The following ZFAND4 variants were observed in gnomAD, a reference collection of about 807,000 sequenced individuals.
The protein encoded by ZFAND4 is zinc finger AN1-type containing 4.
A neutral mutation model predicts 64.4 loss-of-function variants in ZFAND4; 43 were observed. The observed-to-expected ratio is 0.67, with a 90% CI of 0.52 to 0.86. The LOEUF is 0.86. Among genes scored for constraint, ZFAND4 ranks in the 40% least tolerant of loss-of-function variants. The pLI is 0.00. For synonymous variants in ZFAND4, 296 were observed against 305.7 expected, an observed-to-expected ratio of 0.97 and a Z score of 0.33; for missense variants, 929 against 859.8, an observed-to-expected ratio of 1.08 and a Z score of -1.01.
chr10:45,639,866 T>C lies in ZFAND4; in HGVS notation c.667A>G (p.Lys223Glu). The change falls in exon 6 of 10, where the codon AAG becomes GAG. Residue 223 changes from lysine to glutamate, a missense_variant. Transcript: ENST00000344646. The part of the protein sequence containing the change: ...QIIENSITMN[K>E]MKLLKAKMKN... The stretch of plus-strand genomic sequence containing the variant: ...ATCTTAGCCTTCAGCAGCTTCATCT[T>C]ATTCATAGTTATTGAATTTTCAATT... The C allele has an allele frequency of 6.2e-7, 1 of 1,613,382 alleles. No individual in the cohort carries two copies. Among genetic ancestry groups the C allele is most frequent in the Non-Finnish European group, 8.5e-7 (1 of 1,179,846 alleles).
chr10:45,626,372 T>G lies in ZFAND4; in HGVS notation c.1451A>C (p.His484Pro), dbSNP rs756840308. ...PLRCSAPMSL[H>P]NSLVKPERQS... ...TCTCTCTGGTTTCACCAGAGAATTA[T>G]GTAGCGACATTGGTGCAGAACAGCG... is the stretch of plus-strand genomic sequence containing the variant. Residue 484 changes from histidine to proline, a missense_variant, in exon 7 of 10, where the codon CAT becomes CCT. Coordinates refer to ENST00000344646, the MANE Select transcript of ZFAND4 (RefSeq NM_174890.4). The G allele has an allele frequency of 1.2e-6, 2 of 1,614,098 alleles. No individual in the cohort carries two copies. The highest frequency in any genetic ancestry group is 1.3e-5 in the African/African-American group (1 of 74,946).
chr10:45,620,852 G>A (rs1327865501), intron 8 of ZFAND4: 2 of 152,118 alleles, frequency 1.3e-5, no homozygotes, highest in African/African-American at 4.8e-5. Flanking sequence ...CAACCCAGTA[G>A]AATTTGACTT....
intron 6 of ZFAND4, among the ~76,000 whole-genome samples, chr10:45,636,828 T>C (rs1257335184): frequency 6.6e-6 from 1 of 152,170 alleles, no homozygotes; most frequent in Non-Finnish European, 1.5e-5. Context: ...ATTTTCTATC[T>C]GTTCCATCGA....
rs1028263562 is a variant in ZFAND4, at chr10:45,640,531, G to T, written c.570-568C>A. ...TTCTTGAGACAGTCTCACTCTTGTCGCCAGGCTGGAGTGCAATGGCACAAT... is the reference window on the plus strand; with the variant it reads ...TTCTTGAGACAGTCTCACTCTTGTCTCCAGGCTGGAGTGCAATGGCACAAT... On this transcript the variant is annotated intron_variant, in intron 5 of 9. Coordinates refer to ENST00000344646, the MANE Select transcript of ZFAND4 (RefSeq NM_174890.4). 26 of 794,208 alleles carry T rather than the reference G, an allele frequency of 3.3e-5. No homozygotes were observed. In the African/African-American group the frequency reaches 3.9e-4, roughly 12 times the overall value. 49.2% of individuals were successfully genotyped at this position (794,208 alleles called of 1,614,324 possible).
rs71515371 is a variant in ZFAND4, at chr10:45,644,974, CTTTTTT to C, written c.569+3314_569+3319del. Among the ~76,000 whole-genome samples, 45 of 130,954 alleles carry C rather than the reference CTTTTTT, an allele frequency of 3.4e-4. 1 individual carries two copies. The highest frequency in any genetic ancestry group is 1.1e-3 in the African/African-American group (40 of 35,218). The allele number at this position is 130,954 out of a possible 152,430, so 85.9% of individuals were successfully genotyped here. On this transcript the variant is annotated intron_variant, in intron 5 of 9. Transcript: ENST00000344646. Reference sequence around the variant, plus strand: ...TTTATAGTTAGTGAACATGTAAGGTCTTTTTTTTTTTTTTTTTGTCTTTTTGAGAGG... The same window carrying C: ...TTTATAGTTAGTGAACATGTAAGGTCTTTTTTTTTTTGTCTTTTTGAGAGG...
chr10:45,663,178 G>A (rs1387462419), intron 2 of ZFAND4, among the ~76,000 whole-genome samples: 5 of 149,618 alleles, frequency 3.3e-5, no homozygotes, highest in African/African-American at 4.9e-5. Context: ...GTCCCTAGAA[G>A]GGAATATAAT....
At chr10:45,646,501 T>A (rs138807454) in intron 5 of ZFAND4, among the ~76,000 whole-genome samples, 155 of 152,334 alleles carry the variant, frequency 1.0e-3, no homozygotes, top group African/African-American at 3.4e-3. Flanking sequence ...TAAATTATCT[T>A]GTGATGAACA....
chr10:45,649,810 G>GA (rs367879413), intron 4 of ZFAND4: 2 of 152,186 alleles, frequency 1.3e-5, no homozygotes, highest in Admixed American at 6.5e-5. Flanking sequence ...CTTTAGGGGG[G>GA]AAAAAACCCA....
chr10:45,657,339 G>A (rs1300836648), intron 2 of ZFAND4, among the ~76,000 whole-genome samples: 1 of 152,048 alleles, frequency 6.6e-6, no homozygotes, highest in Non-Finnish European at 1.5e-5. Context: ...TCAGTCATTA[G>A]GAAAATGTAA....
chr10:45,672,810 A>C (rs1564649416), upstream of ZFAND4: 1 of 152,134 alleles, frequency 6.6e-6, no homozygotes, highest in East Asian at 1.9e-4. Context: ...TTGTGACACC[A>C]CCTACCAATC....
At chr10:45,665,323 T>G (rs2048748769) in intron 1 of ZFAND4, among the ~76,000 whole-genome samples, 1 of 152,102 alleles carries the variant, frequency 6.6e-6, no homozygotes, top group African/African-American at 2.4e-5. Context: ...GCGGATCACC[T>G]GAGGTCAGGA....
intron 3 of ZFAND4, 83 bp from the exon 4 acceptor site, chr10:45,652,116 C>A: frequency 7.4e-7 from 1 of 1,342,682 alleles, no homozygotes; most frequent in South Asian, 1.2e-5. Context: ...GCTGGCTTAT[C>A]AGGCAGAGTG....
intron 6 of ZFAND4, 101 bp downstream of exon 6, chr10:45,639,712 GAAT>G (rs2046857134): frequency 5.7e-6 from 8 of 1,392,818 alleles, no homozygotes; most frequent in Non-Finnish European, 7.6e-6. Flanking sequence ...AACCTGAAAT[GAAT>G]AATACTTTAT....
At chr10:45,623,037 G>A (rs565598027) in intron 8 of ZFAND4, among the ~76,000 whole-genome samples, 3 of 152,172 alleles carry the variant, frequency 2.0e-5, no homozygotes, top group Admixed American at 6.5e-5. Flanking sequence ...AACACTAATC[G>A]TCACAGATAC....
intron 6 of ZFAND4, among the ~76,000 whole-genome samples, chr10:45,636,669 T>C (rs2046619672): frequency 6.6e-6 from 1 of 152,074 alleles, no homozygotes; most frequent in Admixed American, 6.6e-5. Flanking sequence ...ACCTGTTTTA[T>C]GGCACACAAT....
At chr10:45,645,525 A>G (rs1037295306) in intron 5 of ZFAND4, among the ~76,000 whole-genome samples, 1 of 152,190 alleles carries the variant, frequency 6.6e-6, no homozygotes. Context: ...AAATTTTTAA[A>G]TTGCCTTTGG....
chr10:45,663,481 C>T lies in ZFAND4; in HGVS notation c.184+61G>A, dbSNP rs1405014232. 1.8e-5 allele frequency: 23 copies of T among 1,312,026 alleles called. No homozygotes were observed. The South Asian group carries it at 3.3e-4, about 19-fold the overall frequency. The allele number at this position is 1,312,026 out of a possible 1,614,324, so 81.3% of individuals were successfully genotyped here. On this transcript the variant is annotated intron_variant, in intron 2 of 9. Coordinates refer to ENST00000344646, the MANE Select transcript of ZFAND4 (RefSeq NM_174890.4). Reference sequence around the variant, plus strand: ...CTCCATTAAAATACTTTAAAAACTACTAGACATTATTGATGAACAAATTTA... The same window carrying T: ...CTCCATTAAAATACTTTAAAAACTATTAGACATTATTGATGAACAAATTTA...
chr10:45,619,140 G>C (rs2045226121), intron 8 of ZFAND4, among the ~76,000 whole-genome samples: 1 of 151,816 alleles, frequency 6.6e-6, no homozygotes, highest in Non-Finnish European at 1.5e-5. Context: ...TTGGGTTCAA[G>C]TGGTTCTTCT....
Position 45,626,212 on chromosome 10 carries a change from T to A in ZFAND4, c.1611A>T (p.Arg537Ser). 6.2e-7 allele frequency: 1 copy of A among 1,614,204 alleles called. No individual in the cohort carries two copies. The highest frequency in any genetic ancestry group is 8.5e-7 in the Non-Finnish European group (1 of 1,180,034). The change falls in exon 7 of 10, where the codon AGA (arginine) becomes AGT (serine). Residue 537 changes from arginine to serine, a missense_variant. Transcript: ENST00000344646. ...QGVKVDSLGK[R>S]SDVISKVEAR... ...CCTCAACTTTGGAAATAACATCAGA[T>A]CTTTTCCCAAGTGAATCAACTTTAA...
Sources: gnomAD v4.1 joint callset for allele counts (sites outside exome capture counted in the v4.1 genomes callset) on GRCh38, gnomAD v4.1.1 for gene constraint, MANE v1.5 for transcripts, NCBI Gene and HGNC (gene_info 2026-07-23, HGNC 2026-07-21) for gene names.